Variants in CHD2 observed in about 807,000 individuals in gnomAD.
CHD2 encodes the protein chromodomain helicase DNA binding protein 2.
A neutral mutation model predicts 243.9 loss-of-function variants in CHD2; 28 were observed. The observed-to-expected ratio is 0.11, with a 90% CI of 0.09 to 0.16. The LOEUF (loss-of-function observed/expected upper bound fraction) is 0.16, where lower values mean the gene tolerates loss of function less well. Ranked by LOEUF, CHD2 falls within the 10% of genes least tolerant of loss-of-function variation. CHD2 has a pLI of 1.00. For missense variants in CHD2, 1,386 were observed against 2,209.8 expected (o/e 0.63, Z 7.47); for synonymous variants, 775 against 779.0 (o/e 0.99, Z 0.09).
In CHD2 at chr15:93,024,529, G is replaced by A; in HGVS notation, c.5311G>A (p.Gly1771Arg). Residue 1771 changes from glycine to arginine, a missense_variant, in exon 39 of 39, where the codon GGG becomes AGG. Gly to Arg is a moderately radical substitution (Grantham distance 125, BLOSUM62 -2). Transcript: ENST00000394196. ...HYRSFHTDKL[G>R]EYKQPLPPLH... is the part of the protein sequence containing the mutation. Reference sequence around the variant, plus strand: ...CCGCTCTTTCCACACAGATAAACTGGGGGAATATAAACAGCCTCTACCCCC... The same window carrying A: ...CCGCTCTTTCCACACAGATAAACTGAGGGAATATAAACAGCCTCTACCCCC... 3 of 1,614,166 alleles carry A rather than the reference G, an allele frequency of 1.9e-6. No individual in the cohort carries two copies. The highest frequency in any genetic ancestry group is 2.5e-6 in the Non-Finnish European group (3 of 1,180,032).
intron 14 of CHD2, 106 bp downstream of exon 14, chr15:92,953,679 T>C: frequency 9.9e-7 from 1 of 1,011,672 alleles, no homozygotes; most frequent in East Asian, 2.5e-5. Context: ...GTTATTATTC[T>C]GATACTGTGC....
Position 92,997,478 on chromosome 15 carries a change from A to C in CHD2, c.3885+75A>C. On this transcript the variant is annotated intron_variant, in intron 30 of 38. Transcript: ENST00000394196. The surrounding 1 kb of genome is among the most constrained non-coding windows in gnomAD (Gnocchi z 4.1). ...ATTTTTATATCGATTACTTATTTCT[A>C]ACTATTTTCGAGGGGGCATCAAATT... 7.4e-7 allele frequency: 1 copy of C among 1,357,468 alleles called. No individual in the cohort carries two copies. Among genetic ancestry groups the C allele is most frequent in the Non-Finnish European group, 9.8e-7 (1 of 1,016,946 alleles). The allele number at this position is 1,357,468 out of a possible 1,614,324, so 84.1% of individuals were successfully genotyped here.
chr15:92,970,301 A>G (rs1342716306), intron 17 of CHD2, among the ~76,000 whole-genome samples: 3 of 152,190 alleles, frequency 2.0e-5, no homozygotes, highest in African/African-American at 7.2e-5. Context: ...TCCCAGGTTC[A>G]AGTGATTCTC....
chr15:92,952,606 A>G (rs912177422), intron 13 of CHD2, among the ~76,000 whole-genome samples: 3 of 152,204 alleles, frequency 2.0e-5, no homozygotes, highest in Non-Finnish European at 4.4e-5. Flanking sequence ...CTGATCTGAC[A>G]GGAGGCGGAG....
chr15:92,942,781 G>A (rs2053403754), intron 8 of CHD2, 62 bp from the exon 9 acceptor site: 1 of 1,323,390 alleles, frequency 7.6e-7, no homozygotes, highest in African/African-American at 1.5e-5. Flanking sequence ...TTGCATTCTT[G>A]GGAAGCTTTT....
At chr15:93,000,725 T>C (rs1175646781) in intron 32 of CHD2, 85 bp downstream of exon 32, 8 of 1,433,180 alleles carry the variant, frequency 5.6e-6, no homozygotes, top group Non-Finnish European at 6.6e-6. Context: ...ATCTGAAATG[T>C]GTTTGGTTTA....
chr15:92,974,705 C>G, intron 19 of CHD2, 174 bp from the exon 20 acceptor site: 1 of 535,694 alleles, frequency 1.9e-6, no homozygotes, highest in Non-Finnish European at 3.4e-6. Flanking sequence ...GAGCTCAGGT[C>G]GAGTAGGGTA....
chr15:93,013,928 C>CAAAAAAAAAAAAAAAAA (rs35774813), intron 36 of CHD2, among the ~76,000 whole-genome samples: 2 of 64,134 alleles, frequency 3.1e-5, no homozygotes, highest in African/African-American at 7.0e-5. Flanking sequence ...GACTCTGTCT[C>CAAAAAAAAAAAAAAAAA]AAAAAAAAAA....
chr15:92,994,842 C>T (rs1438987229), intron 28 of CHD2, among the ~76,000 whole-genome samples: 1 of 152,084 alleles, frequency 6.6e-6, no homozygotes, highest in East Asian at 1.9e-4. Context: ...TGTGCATGTC[C>T]ACATTCTGGA....
Position 92,900,834 on chromosome 15 carries a change from C to T in CHD2, c.-72+10C>T, listed in dbSNP as rs1183192813. The T allele has an allele frequency of 2.5e-6, 1 of 406,282 alleles. No homozygotes were observed. 25.2% of individuals were successfully genotyped at this position (406,282 alleles called of 1,614,324 possible). ...ATACTACATGGATCAGGTAAGTTCA[C>T]GATCATTGGTGATAATTTTAAAGAT... is the stretch of plus-strand genomic sequence containing the variant. On this transcript the variant is annotated intron_variant, in intron 1 of 38. Transcript: ENST00000394196.
chr15:93,021,676 A>G (rs1436282913), intron 38 of CHD2: 1 of 152,194 alleles, frequency 6.6e-6, no homozygotes, highest in Non-Finnish European at 1.5e-5. Flanking sequence ...CATTTTATAC[A>G]TTGTAGTTCT....
chr15:92,906,443 A>G (rs1369565544), intron 2 of CHD2, among the ~76,000 whole-genome samples: 1 of 152,170 alleles, frequency 6.6e-6, no homozygotes, highest in African/African-American at 2.4e-5. Context: ...CTGGAAGTTT[A>G]TTTGAATTTT....
intron 5 of CHD2, among the ~76,000 whole-genome samples, chr15:92,936,763 T>G (rs1442089984): frequency 6.6e-6 from 1 of 152,142 alleles, no homozygotes; most frequent in Non-Finnish European, 1.5e-5. Context: ...ATTACTTGAA[T>G]TTGTTGAAAT....
intron 16 of CHD2, among the ~76,000 whole-genome samples, chr15:92,965,565 C>CAAAAA (rs61447848): frequency 0.01 from 1,110 of 110,832 alleles, 55 homozygotes; most frequent in Non-Finnish European, 0.016. Flanking sequence ...ACTCTTTCTC[C>CAAAAA]AAAAAAAAAA....
chr15:92,977,575 C>A (rs1400568165), intron 20 of CHD2, among the ~76,000 whole-genome samples: 2 of 152,152 alleles, frequency 1.3e-5, no homozygotes, highest in Admixed American at 1.3e-4. Flanking sequence ...CAGACGCAGG[C>A]AGGTGTGCTG....
intron 2 of CHD2, among the ~76,000 whole-genome samples, chr15:92,914,446 G>T (rs779467878): frequency 2.6e-5 from 4 of 152,196 alleles, no homozygotes; most frequent in Non-Finnish European, 4.4e-5. Flanking sequence ...GTATGCCTGG[G>T]TGCTAATAGT....
rs948828441 is a variant in CHD2, at chr15:92,901,092, C to T, written c.-71-75C>T. 9 of 671,970 alleles carry T rather than the reference C, an allele frequency of 1.3e-5. No individual in the cohort carries two copies. The Admixed American group carries it at 1.4e-4, about 11-fold the overall frequency. The allele number at this position is 671,970 out of a possible 1,614,324, so 41.6% of individuals were successfully genotyped here. ...TGTGTTATAACAATATCGTTAACATCGTCAGGACTTTGTTCCTGATAATAA... is the reference window on the plus strand; with the variant it reads ...TGTGTTATAACAATATCGTTAACATTGTCAGGACTTTGTTCCTGATAATAA... On this transcript the variant is annotated intron_variant, in intron 1 of 38. Coordinates refer to ENST00000394196, the MANE Select transcript of CHD2 (RefSeq NM_001271.4).
intron 16 of CHD2, chr15:92,965,351 T>TCGAG (rs1444160400): frequency 6.6e-6 from 1 of 151,948 alleles, no homozygotes; most frequent in African/African-American, 2.4e-5. Context: ...GGTCAGGAGA[T>TCGAG]CGAGACCATC....
chr15:92,996,973 A>G lies in CHD2; in HGVS notation c.3612A>G (p.Lys1204=), dbSNP rs1165111183. ...ENASEGKGPG[K]RRGPTIKISG... is the part of the protein sequence containing the mutation. Reference sequence around the variant, plus strand: ...ATTTTTCAGGAAAAGGACCAGGGAAAAGGAGAGGTCCAACAATCAAGATAT... The same window carrying G: ...ATTTTTCAGGAAAAGGACCAGGGAAGAGGAGAGGTCCAACAATCAAGATAT... The change falls in exon 29 of 39, where the codon AAA becomes AAG. Residue 1204 remains lysine, a synonymous_variant. Coordinates refer to ENST00000394196, the MANE Select transcript of CHD2 (RefSeq NM_001271.4). 15 of 1,606,598 alleles carry G rather than the reference A, an allele frequency of 9.3e-6. No individual in the cohort carries two copies. The highest frequency in any genetic ancestry group is 1.2e-5 in the Non-Finnish European group (14 of 1,178,162).
Sources: gnomAD v4.1 joint callset for allele counts (sites outside exome capture counted in the v4.1 genomes callset) on GRCh38, gnomAD v4.1.1 for gene constraint, Gnocchi (gnomAD v3.1) non-coding constraint, MANE v1.5 for transcripts, NCBI Gene and HGNC (gene_info 2026-07-23, HGNC 2026-07-21) for gene names.